The following TRIM5 variants were observed in gnomAD, a reference collection of about 807,000 sequenced individuals.
TRIM5 encodes tripartite motif containing 5.
In TRIM5, 31 loss-of-function variants were observed where a neutral mutation model predicts 35.6. The observed-to-expected ratio is 0.87, with a 90% CI of 0.65 to 1.18. TRIM5 has a LOEUF of 1.18. Ranked by LOEUF, TRIM5 falls within the 50% of genes most tolerant of loss-of-function variation. The probability of loss-of-function intolerance (pLI) is 0.00; values close to 1 mark genes in which losing one functional copy is unlikely to be tolerated. For missense variants in TRIM5, 609 were observed against 591.6 expected, an observed-to-expected ratio of 1.03 and a Z score of -0.31; for synonymous variants, 243 against 215.6, an observed-to-expected ratio of 1.13 and a Z score of -1.11.
chr11:5,671,209 G>C (rs2342387), intron 4 of TRIM5, among the ~76,000 whole-genome samples: 78,198 of 151,778 alleles, frequency 0.52, 24,043 homozygotes, highest in Non-Finnish European at 0.69. Flanking sequence ...ATGGGCAACA[G>C]AGTGAGACTC....
At chr11:5,651,607 G>T in the TRIM5 span, among the ~76,000 whole-genome samples, 92,311 of 151,950 alleles carry the variant, frequency 0.61, 28,405 homozygotes, top group African/African-American at 0.69. Flanking sequence ...TGAATGTACA[G>T]GTGCATGTGT....
At chr11:5,660,787 A>C (rs1850787021), downstream of TRIM5, among the ~76,000 whole-genome samples, 1 of 152,030 alleles carries the variant, frequency 6.6e-6, no homozygotes, top group South Asian at 2.1e-4. Context: ...TCACGCCTGT[A>C]ATCCCAGCAC....
At chr11:5,603,394 A>G in the TRIM5 span, 2 of 1,612,092 alleles carry the variant, frequency 1.2e-6, no homozygotes, top group South Asian at 2.2e-5. Flanking sequence ...ACCCCTGAGC[A>G]TAGACTGTGG....
the TRIM5 span, chr11:5,596,738 A>G: frequency 2.6e-6 from 3 of 1,133,800 alleles, no homozygotes; most frequent in Non-Finnish European, 3.8e-6. Flanking sequence ...CCTTTCTCGG[A>G]ACGGAACGGA....
At chr11:5,644,024 A>C in the TRIM5 span, 1 of 453,486 alleles carries the variant, frequency 2.2e-6, no homozygotes, top group Non-Finnish European at 3.8e-6. Flanking sequence ...GTTAGCCACC[A>C]TCCATGCTAC....
chr11:5,590,958 G>A, the TRIM5 span: 718 of 175,502 alleles, frequency 4.1e-3, 10 homozygotes, highest in Non-Finnish European at 3.9e-3. Flanking sequence ...AATACTCACC[G>A]TGAGGGTCCG....
At chr11:5,605,586 C>G in the TRIM5 span, 1 of 1,597,108 alleles carries the variant, frequency 6.3e-7, no homozygotes, top group Non-Finnish European at 8.5e-7. Flanking sequence ...TGTGAAGGAG[C>G]CCAGATCTGA....
Position 5,680,023 on chromosome 11 carries a change from T to C in TRIM5, c.155A>G (p.Glu52Gly). The C allele has an allele frequency of 1.2e-6, 2 of 1,614,116 alleles. No individual in the cohort carries two copies. The highest frequency in any genetic ancestry group is 2.2e-5 in the South Asian group (2 of 91,076). Residue 52 changes from glutamate (E) to glycine (G), a missense_variant, in exon 2 of 8, where the codon GAG (glutamate) becomes GGG (glycine). Glu to Gly is a moderately conservative substitution (Grantham distance 98). Coordinates refer to ENST00000380034, the MANE Select transcript of TRIM5 (RefSeq NM_033034.3). ...NHKKSMLDKGESSCPVCRISY... is the reference protein window; with the variant it reads ...NHKKSMLDKGGSSCPVCRISY... ...GATCCGGCACACAGGGCAGCTACTCTCTCCTTTGTCTAGCATGGACTTCTT... is the reference window on the plus strand; with the variant it reads ...GATCCGGCACACAGGGCAGCTACTCCCTCCTTTGTCTAGCATGGACTTCTT...
At chr11:5,660,193 T>C (rs563836765), downstream of TRIM5, among the ~76,000 whole-genome samples, 5 of 152,278 alleles carry the variant, frequency 3.3e-5, no homozygotes, top group African/African-American at 1.2e-4. Flanking sequence ...GCCTAGCTGG[T>C]CTCGAAATCC....
the TRIM5 span, among the ~76,000 whole-genome samples, chr11:5,598,013 G>C: frequency 3.9e-5 from 6 of 152,214 alleles, no homozygotes; most frequent in Non-Finnish European, 5.9e-5. Flanking sequence ...CTAGTTAGCA[G>C]ACCTTTTTCA....
the TRIM5 span, chr11:5,645,602 C>G: frequency 6.5e-6 from 1 of 154,684 alleles, no homozygotes; most frequent in Admixed American, 6.5e-5. Flanking sequence ...TATATGTGTT[C>G]AAGTGCATAG....
the TRIM5 span, chr11:5,604,730 A>G: frequency 1.6e-6 from 2 of 1,284,042 alleles, no homozygotes; most frequent in Non-Finnish European, 2.1e-6. Flanking sequence ...CTCTGATGCC[A>G]TGACTAGAAG....
At chr11:5,674,703 A>G (rs1047463331) in intron 4 of TRIM5, among the ~76,000 whole-genome samples, 2 of 152,282 alleles carry the variant, frequency 1.3e-5, no homozygotes, top group African/African-American at 4.8e-5. Flanking sequence ...TGGTAGGACC[A>G]TTCTCAGTTG....
At chr11:5,608,699 A>C in the TRIM5 span, among the ~76,000 whole-genome samples, 1 of 150,740 alleles carries the variant, frequency 6.6e-6, no homozygotes, top group African/African-American at 2.4e-5. Flanking sequence ...TCAAACAAAC[A>C]AAAAAAAATG....
the TRIM5 span, chr11:5,633,744 C>T: frequency 2.0e-6 from 3 of 1,516,252 alleles, no homozygotes; most frequent in East Asian, 2.3e-5. Context: ...CCCTGTTTGT[C>T]CTCTATCCAG....
At chr11:5,614,679 C>T in the TRIM5 span, among the ~76,000 whole-genome samples, 1 of 152,114 alleles carries the variant, frequency 6.6e-6, no homozygotes, top group African/African-American at 2.4e-5. Context: ...CACTAAAGTT[C>T]TAGACATGTG....
the TRIM5 span, among the ~76,000 whole-genome samples, chr11:5,622,385 T>C: frequency 6.8e-6 from 1 of 147,278 alleles, no homozygotes; most frequent in African/African-American, 2.5e-5. Flanking sequence ...GCGGAGCTTG[T>C]AGTGAGCCGA....
At chr11:5,632,482 G>A in the TRIM5 span, 1 of 1,614,018 alleles carries the variant, frequency 6.2e-7, no homozygotes, top group Non-Finnish European at 8.5e-7. Context: ...GACCAGCATG[G>A]GAGGAAAAAG....
At chr11:5,623,105 CTTTTTTT>C in the TRIM5 span, among the ~76,000 whole-genome samples, 6 of 106,836 alleles carry the variant, frequency 5.6e-5, no homozygotes, top group African/African-American at 2.2e-4. Flanking sequence ...CTGTCTGGAG[CTTTTTTT>C]TTTTTTTTTT....
Sources: allele counts gnomAD v4.1 joint callset (sites outside exome capture counted in the v4.1 genomes callset), GRCh38; gene constraint gnomAD v4.1.1; transcripts MANE v1.5; gene names NCBI Gene and HGNC (gene_info 2026-07-23, HGNC 2026-07-21).